Variants in MEGF11 observed in about 807,000 individuals in gnomAD.
MEGF11 encodes the protein multiple EGF like domains 11, also known as multiple epidermal growth factor-like domains protein 11.
MEGF11 carries 126 observed loss-of-function variants against 146.6 expected under a neutral mutation model. The ratio of observed to expected loss-of-function variants is 0.86; its 90% CI spans 0.74 to 1.00. The LOEUF (loss-of-function observed/expected upper bound fraction) is 1.00. Ranked by LOEUF, MEGF11 falls within the 50% of genes least tolerant of loss-of-function variation. The pLI, the probability that MEGF11 is intolerant of heterozygous loss-of-function variation, is 0.00. For synonymous variants in MEGF11, 532 were observed against 583.4 expected (o/e 0.91, Z 1.27); for missense variants, 1,509 against 1,521.2 (o/e 0.99, Z 0.13).
At chr15:66,043,530 C>G (rs935266518) in intron 5 of MEGF11, among the ~76,000 whole-genome samples, 8 of 152,246 alleles carry the variant, frequency 5.3e-5, no homozygotes, top group Admixed American at 6.5e-5. Context: ...GATGTTGACA[C>G]AAAAGAAGCC....
At position 65,996,420 on chromosome 15, in the gene MEGF11, C is replaced by G. The variant is rs150381246; in HGVS notation, c.395-13932G>C. ...TTCTTCCAAGTTCTTGTGCAATGAA[C>G]TTGCCCTTTAAATACTGTGGGAAAC... On this transcript the variant is annotated intron_variant, in intron 5 of 25. Transcript: ENST00000395614. Among the ~76,000 whole-genome samples, 293 of 152,176 alleles carry G rather than the reference C, an allele frequency of 1.9e-3. 7 individuals are homozygous for G. The South Asian group carries it at 0.058, about 30-fold the overall frequency.
At chr15:66,060,124 G>A (rs545395075) in intron 5 of MEGF11, among the ~76,000 whole-genome samples, 25 of 151,960 alleles carry the variant, frequency 1.6e-4, no homozygotes, top group South Asian at 8.4e-4. Context: ...GAGTGACTAG[G>A]AGATGGGGCC....
intron 10 of MEGF11, among the ~76,000 whole-genome samples, chr15:65,952,168 G>A (rs950711848): frequency 6.6e-6 from 1 of 152,192 alleles, no homozygotes; most frequent in Non-Finnish European, 1.5e-5. Context: ...GTCTTAGAAT[G>A]TATCCCTCAT....
chr15:66,041,375 G>T (rs2083968839), intron 5 of MEGF11, among the ~76,000 whole-genome samples: 1 of 152,238 alleles, frequency 6.6e-6, no homozygotes, highest in South Asian at 2.1e-4. Flanking sequence ...TCTGCAGAGT[G>T]GGGGTACCCA....
chr15:66,171,877 T>C (rs969963091), intron 1 of MEGF11, among the ~76,000 whole-genome samples: 2 of 152,094 alleles, frequency 1.3e-5, no homozygotes, highest in Non-Finnish European at 2.9e-5. Context: ...CCCTCATCTT[T>C]CTTGGTTAAG....
intron 5 of MEGF11, among the ~76,000 whole-genome samples, chr15:66,017,550 G>A (rs148767703): frequency 3.7e-4 from 57 of 152,168 alleles, no homozygotes; most frequent in African/African-American, 1.2e-3. Context: ...GGAATCCTCC[G>A]GCCCTGCTGG....
At chr15:66,023,552 C>G (rs1003791802) in intron 5 of MEGF11, among the ~76,000 whole-genome samples, 1 of 152,224 alleles carries the variant, frequency 6.6e-6, no homozygotes, top group Non-Finnish European at 1.5e-5. Context: ...TTATGAATCC[C>G]TCTTAGCTGG....
intron 5 of MEGF11, among the ~76,000 whole-genome samples, chr15:66,053,032 A>G (rs1447177554): frequency 6.6e-6 from 1 of 152,156 alleles, no homozygotes; most frequent in African/African-American, 2.4e-5. Context: ...GGGCAGATGA[A>G]TGGACAAGTG....
At chr15:66,223,182 T>C (rs1597160428) in intron 1 of MEGF11, among the ~76,000 whole-genome samples, 1 of 152,152 alleles carries the variant, frequency 6.6e-6, no homozygotes. Context: ...TACTAACTAG[T>C]TCATGCTACA....
rs1043419963 is a variant in MEGF11 at position 66,066,988 on chromosome 15, C to T, written c.394+27414G>A. On this transcript the variant is annotated intron_variant, in intron 5 of 25. Coordinates refer to ENST00000395614, the MANE Select transcript of MEGF11 (RefSeq NM_001385028.1). ...GTCACAGGGGGAGCTAATCTGCCTGCGCCCAGCTGCACCACCTTGCTATCT... is the reference window on the plus strand; with the variant it reads ...GTCACAGGGGGAGCTAATCTGCCTGTGCCCAGCTGCACCACCTTGCTATCT... 9.9e-5 allele frequency among the ~76,000 whole-genome samples: 15 copies of T among 152,210 alleles called. 1 individual carries two copies. The highest frequency in any genetic ancestry group is 4.6e-4 in the Admixed American group (7 of 15,286).
chr15:66,040,649 G>A (rs1366630081), intron 5 of MEGF11, among the ~76,000 whole-genome samples: 2 of 152,164 alleles, frequency 1.3e-5, no homozygotes, highest in Non-Finnish European at 2.9e-5. Flanking sequence ...TAAATGGGGA[G>A]GGTGAAGCCA....
chr15:66,100,158 T>A (rs1320569446), intron 4 of MEGF11, among the ~76,000 whole-genome samples: 1 of 152,200 alleles, frequency 6.6e-6, no homozygotes, highest in Non-Finnish European at 1.5e-5. Context: ...ACCATGTACA[T>A]GTGCATTCAC....
chr15:65,926,008 A>T (rs1011885122), intron 13 of MEGF11, among the ~76,000 whole-genome samples: 3 of 152,170 alleles, frequency 2.0e-5, no homozygotes, highest in Non-Finnish European at 2.9e-5. Flanking sequence ...GACTTTGCTT[A>T]CCTAGGTGCT....
chr15:66,054,545 CT>C (rs1202150522), intron 5 of MEGF11, among the ~76,000 whole-genome samples: 2 of 152,190 alleles, frequency 1.3e-5, no homozygotes, highest in African/African-American at 4.8e-5. Context: ...TAAAAATCAC[CT>C]CCAGGGGTGT....
intron 4 of MEGF11, among the ~76,000 whole-genome samples, chr15:66,113,665 G>A (rs1051439091): frequency 3.3e-5 from 5 of 152,082 alleles, no homozygotes; most frequent in African/African-American, 9.7e-5. Context: ...AGGCCGAGGC[G>A]GGTGGATCAC....
In MEGF11 at chr15:65,915,513, G is replaced by T. The variant is rs917557278; in HGVS notation, c.2430C>A (p.Thr810=). ...CTTTGAAGCCAGGGCTGCAGTAACA[G>T]GTGCCGGTGACATGGTCACAGGTGG... ...NNSTCDHVTG[T]CYCSPGFKGI... Residue 810 remains threonine (T), a synonymous_variant, in exon 19 of 26, where the codon ACC becomes ACA. Transcript: ENST00000395614. The T allele has an allele frequency of 6.2e-7, 1 of 1,613,958 alleles. No homozygotes were observed. The highest frequency in any genetic ancestry group is 1.3e-5 in the African/African-American group (1 of 75,050).
At chr15:65,990,716 AAAG>A (rs2082016302) in intron 5 of MEGF11, among the ~76,000 whole-genome samples, 1 of 11,732 alleles carries the variant, frequency 8.5e-5, no homozygotes, top group African/African-American at 1.0e-4. Flanking sequence ...AGGAAGGAAG[AAAG>A]AAAGAAAGAA....
intron 1 of MEGF11, among the ~76,000 whole-genome samples, chr15:66,197,174 G>A (rs570154274): frequency 6.6e-6 from 1 of 152,332 alleles, no homozygotes; most frequent in African/African-American, 2.4e-5. Flanking sequence ...AAAAGGCTTG[G>A]TGAGATGTGT....
rs150567622 is a variant in MEGF11 at position 66,126,766 on chromosome 15, G to A, written c.98+1540C>T. Among the ~76,000 whole-genome samples the A allele has an allele frequency of 2.0e-4, 31 of 152,304 alleles. No individual in the cohort carries two copies. The East Asian group carries it at 5.6e-3, about 27-fold the overall frequency. On this transcript the variant is annotated intron_variant, in intron 2 of 25. Transcript: ENST00000395614. ...TGGAGTCCAAAACCCACAGAATAAC[G>A]TGGGGCTCTTCCCGATACCTCTCTG...
Sources: gnomAD v4.1 joint callset for allele counts (sites outside exome capture counted in the v4.1 genomes callset) on GRCh38, gnomAD v4.1.1 for gene constraint, MANE v1.5 for transcripts, NCBI Gene and HGNC (gene_info 2026-07-23, HGNC 2026-07-21) for gene names.